PPP2R3C: variants seen among roughly 807,000 people sequenced by gnomAD.
The protein encoded by PPP2R3C is serine/threonine-protein phosphatase 2A regulatory subunit B'' subunit gamma.
In PPP2R3C, 47 loss-of-function variants were observed where a neutral mutation model predicts 63.7. The observed-to-expected ratio is 0.74, with a 90% CI of 0.58 to 0.94. The LOEUF (loss-of-function observed/expected upper bound fraction) is 0.94. Among genes scored for constraint, PPP2R3C ranks in the 40% least tolerant of loss-of-function variants. The pLI, the probability that PPP2R3C is intolerant of heterozygous loss-of-function variation, is 0.00. For synonymous variants in PPP2R3C, 180 were observed against 177.4 expected, an observed-to-expected ratio of 1.01 and a Z score of -0.12; for missense variants, 421 against 518.4, an observed-to-expected ratio of 0.81 and a Z score of 1.82.
chr14:35,115,277 C>T (rs1057179293), intron 2 of PPP2R3C, among the ~76,000 whole-genome samples: 5 of 151,220 alleles, frequency 3.3e-5, no homozygotes, highest in African/African-American at 9.7e-5. Flanking sequence ...ATCCTTCCAC[C>T]TCAGCCTCCT....
chr14:35,085,787 G>GA lies in PPP2R3C; in HGVS notation c.1174-10dup, dbSNP rs201794373. Reference sequence around the variant, plus strand: ...ATGTCAAAGATTTCATCCTGCAAGAGAAAAAAAAATACAATGAAATTTGAT... The same window carrying GA: ...ATGTCAAAGATTTCATCCTGCAAGAGAAAAAAAAAATACAATGAAATTTGAT... On this transcript the variant is annotated splice_polypyrimidine_tract_variant and intron_variant, in intron 12 of 12. Transcript: ENST00000261475. 1.1e-3 allele frequency: 1,762 copies of GA among 1,537,448 alleles called. 4 individuals are homozygous for GA. Among genetic ancestry groups the GA allele is most frequent in the African/African-American group, 8.8e-3 (631 of 71,414 alleles).
At chr14:35,090,825 C>T (rs1028534687) in intron 11 of PPP2R3C, among the ~76,000 whole-genome samples, 4 of 150,962 alleles carry the variant, frequency 2.6e-5, no homozygotes, top group Non-Finnish European at 5.9e-5. Context: ...ACGCCATTCT[C>T]CTGCCTCAGC....
rs1041005146 is a variant in PPP2R3C at position 35,110,019 on chromosome 14, G to A, written c.292-88C>T. 10 of 978,036 alleles carry A rather than the reference G, an allele frequency of 1.0e-5. No homozygotes were observed. The African/African-American group carries it at 1.5e-4, about 15-fold the overall frequency. 60.6% of individuals were successfully genotyped at this position (978,036 alleles called of 1,614,324 possible). On this transcript the variant is annotated intron_variant, in intron 3 of 12. Coordinates refer to ENST00000261475, the MANE Select transcript of PPP2R3C (RefSeq NM_017917.4). ...TTAAATGTGTGCTTTCCACTAAAAT[G>A]AGAGTTTGTTGGCAGAGTCAATATT...
intron 10 of PPP2R3C, among the ~76,000 whole-genome samples, chr14:35,091,797 T>C (rs948386776): frequency 6.6e-6 from 1 of 151,944 alleles, no homozygotes; most frequent in Non-Finnish European, 1.5e-5. Flanking sequence ...CTCAGCTCAC[T>C]GAAACCTCTG....
chr14:35,107,451 T>C, intron 5 of PPP2R3C, 77 bp from the exon 6 acceptor site: 3 of 1,196,754 alleles, frequency 2.5e-6, no homozygotes, highest in Non-Finnish European at 3.7e-6. Context: ...AAGAGCCAGA[T>C]TTGAGACAAG....
chr14:35,095,851 CAAAAAAAAA>C (rs59775301), intron 9 of PPP2R3C, among the ~76,000 whole-genome samples: 2 of 41,132 alleles, frequency 4.9e-5, no homozygotes, highest in African/African-American at 2.0e-4. Context: ...ACTCTATCTC[CAAAAAAAAA>C]AAAAAAAAAA....
At chr14:35,090,597 CTTCT>C (rs1184954961) in intron 11 of PPP2R3C, among the ~76,000 whole-genome samples, 2 of 151,700 alleles carry the variant, frequency 1.3e-5, no homozygotes, top group Non-Finnish European at 2.9e-5. Context: ...TTAATTTGCT[CTTCT>C]TTTTCTAATT....
rs1336102760 is a variant in PPP2R3C at position 35,085,895 on chromosome 14, C to G, written c.1174-117G>C. ...AAGTACAGAGGAATAAAATTGAGGG[C>G]TGCCACTTGGGCTTATGTTAATTTT... On this transcript the variant is annotated intron_variant, in intron 12 of 12. Transcript: ENST00000261475. 11 of 766,720 alleles carry G rather than the reference C, an allele frequency of 1.4e-5. No homozygotes were observed. In the Admixed American group the frequency reaches 2.7e-4, roughly 19 times the overall value. The allele number at this position is 766,720 out of a possible 1,614,324, so 47.5% of individuals were successfully genotyped here. A position where few individuals can be genotyped will look rare whatever the true frequency, so the allele number is the denominator to read the frequency against.
intron 11 of PPP2R3C, among the ~76,000 whole-genome samples, chr14:35,089,717 G>C (rs2045730104): frequency 6.6e-6 from 1 of 151,842 alleles, no homozygotes; most frequent in African/African-American, 2.4e-5. Flanking sequence ...CCAGGCTGCA[G>C]TGCAGTGGCG....
At chr14:35,112,428 TCTTC>T (rs2046591389) in intron 2 of PPP2R3C, among the ~76,000 whole-genome samples, 1 of 152,188 alleles carries the variant, frequency 6.6e-6, no homozygotes, top group African/African-American at 2.4e-5. Flanking sequence ...AAAGAGTTCT[TCTTC>T]CTTTTCTACA....
intron 2 of PPP2R3C, among the ~76,000 whole-genome samples, chr14:35,113,492 C>T (rs1447279391): frequency 1.3e-5 from 2 of 152,096 alleles, no homozygotes; most frequent in Non-Finnish European, 2.9e-5. Flanking sequence ...GTCCTGGGCT[C>T]AGGAACGGGG....
At chr14:35,108,768 C>CA (rs1251296647) in intron 4 of PPP2R3C, among the ~76,000 whole-genome samples, 22 of 149,146 alleles carry the variant, frequency 1.5e-4, no homozygotes, top group Middle Eastern at 3.4e-3. Flanking sequence ...GACTCCATCT[C>CA]AAAAAAAAAG....
rs562107247 is a variant in PPP2R3C at position 35,102,602 on chromosome 14, C to T, written c.574-3218G>A. The T allele has an allele frequency of 2.0e-5, 3 of 152,266 alleles. No homozygotes were observed. In the South Asian group the frequency reaches 6.2e-4, roughly 32 times the overall value. 9.4% of individuals were successfully genotyped at this position (152,266 alleles called of 1,614,324 possible). A position where few individuals can be genotyped will look rare whatever the true frequency, so the allele number is the denominator to read the frequency against. ...TCCTTACCCTGAACATCCAATCTAG[C>T]AGCAATTTGTGTTTTTTCTGGGAAG... is the stretch of plus-strand genomic sequence containing the variant. On this transcript the variant is annotated intron_variant, in intron 6 of 12. Transcript: ENST00000261475.
chr14:35,086,042 A>C (rs533594646), intron 12 of PPP2R3C: 17 of 370,460 alleles, frequency 4.6e-5, no homozygotes, highest in African/African-American at 2.9e-4. Context: ...ATAGATGAAG[A>C]AACCAAGGCT....
At chr14:35,093,738 C>T (rs1209031012) in intron 10 of PPP2R3C, among the ~76,000 whole-genome samples, 3 of 152,004 alleles carry the variant, frequency 2.0e-5, no homozygotes, top group African/African-American at 7.2e-5. Context: ...GCTCCGCCTC[C>T]CGGGTTCACA....
intron 10 of PPP2R3C, 63 bp from the exon 11 acceptor site, chr14:35,091,270 C>G (rs1380490622): frequency 1.4e-6 from 2 of 1,428,620 alleles, no homozygotes; most frequent in African/African-American, 1.5e-5. Context: ...AAGTGAATAT[C>G]TTATGATTTG....
chr14:35,119,033 A>C (rs2046784516), intron 1 of PPP2R3C, among the ~76,000 whole-genome samples: 1 of 149,124 alleles, frequency 6.7e-6, no homozygotes, highest in South Asian at 2.1e-4. Context: ...ATGTGGGATC[A>C]AATGACTTTT....
intron 2 of PPP2R3C, among the ~76,000 whole-genome samples, chr14:35,112,343 T>C (rs2138702763): frequency 6.6e-6 from 1 of 152,266 alleles, no homozygotes; most frequent in Admixed American, 6.5e-5. Context: ...ACTCAAGCAG[T>C]CCTCCCACCT....
intron 7 of PPP2R3C, among the ~76,000 whole-genome samples, chr14:35,098,027 A>G (rs142080955): frequency 9.2e-5 from 14 of 152,310 alleles, no homozygotes; most frequent in African/African-American, 2.6e-4. Flanking sequence ...GATGAAAATG[A>G]ATGAATCCAT....
Sources: gnomAD v4.1 joint callset for allele counts (sites outside exome capture counted in the v4.1 genomes callset) on GRCh38, gnomAD v4.1.1 for gene constraint, MANE v1.5 for transcripts, NCBI Gene and HGNC (gene_info 2026-07-23, HGNC 2026-07-21) for gene names.